Variants in SORCS1 observed in about 807,000 individuals in gnomAD.
SORCS1 encodes the protein sortilin related VPS10 domain containing receptor 1, also known as VPS10 domain-containing receptor SorCS1.
Under a neutral mutation model 146.1 loss-of-function variants are expected in SORCS1, and 60 were observed. That is an observed-to-expected ratio of 0.41 (90% CI 0.33 to 0.51). The LOEUF is 0.51. Ranked by LOEUF, SORCS1 falls within the 20% of genes least tolerant of loss-of-function variation. SORCS1 has a pLI of 0.21. For synonymous variants in SORCS1, 637 were observed against 584.0 expected (o/e 1.09, Z -1.31); for missense variants, 1,352 against 1,487.6 (o/e 0.91, Z 1.50).
chr10:106,620,359 T>G (rs1847657125), intron 20 of SORCS1, 69 bp downstream of exon 20: 1 of 1,550,464 alleles, frequency 6.4e-7, no homozygotes, highest in Admixed American at 1.9e-5. Flanking sequence ...GCCATTTCAT[T>G]CCCTCCTTTG....
At position 106,836,547 on chromosome 10, in the gene SORCS1, C is replaced by T. The variant is rs1948798677; in HGVS notation, c.627-6874G>A. ...GGCCAGCATCCTTAACTCCATACTG[C>T]CATGCCTCTGTCAAAAGCCACCGGG... On this transcript the variant is annotated intron_variant, in intron 2 of 25. Transcript: ENST00000263054. Among the ~76,000 whole-genome samples, 3 of 151,410 alleles carry T rather than the reference C, an allele frequency of 2.0e-5. No homozygotes were observed. The South Asian group carries it at 6.3e-4, about 32-fold the overall frequency.
rs151080738 is a variant in SORCS1, at chr10:107,149,416, G to A, written c.558+14553C>T. 1.2e-3 allele frequency among the ~76,000 whole-genome samples: 179 copies of A among 152,140 alleles called. 1 individual carries two copies. The highest frequency in any genetic ancestry group is 4.3e-3 in the African/African-American group (177 of 41,502). On this transcript the variant is annotated intron_variant, in intron 1 of 25. Coordinates refer to ENST00000263054, the MANE Select transcript of SORCS1 (RefSeq NM_052918.5). ...CTTTAATCATACGTGGTAACCATCC[G>A]ATTCATCCCAATATACTTGTATCTA...
chr10:106,770,857 T>C (rs918657066), intron 4 of SORCS1, among the ~76,000 whole-genome samples: 2 of 152,218 alleles, frequency 1.3e-5, no homozygotes, highest in Non-Finnish European at 2.9e-5. Flanking sequence ...TTTTGTTCAG[T>C]TGTACTTCTT....
intron 1 of SORCS1, among the ~76,000 whole-genome samples, chr10:107,140,904 C>A (rs1398925568): frequency 6.6e-6 from 1 of 152,144 alleles, no homozygotes; most frequent in Non-Finnish European, 1.5e-5. Context: ...TCCAATATTT[C>A]CCGACTGGTA....
At chr10:106,826,153 T>C (rs554172766) in intron 3 of SORCS1, among the ~76,000 whole-genome samples, 6 of 152,358 alleles carry the variant, frequency 3.9e-5, no homozygotes, top group East Asian at 1.9e-4. Context: ...AACATGATGA[T>C]TGAAGAACTG....
At chr10:107,035,676 T>C (rs1344119203) in intron 1 of SORCS1, among the ~76,000 whole-genome samples, 1 of 152,194 alleles carries the variant, frequency 6.6e-6, no homozygotes, top group Non-Finnish European at 1.5e-5. Context: ...GCTTTGCCTG[T>C]CAATGGAAAA....
intron 2 of SORCS1, among the ~76,000 whole-genome samples, chr10:106,857,765 C>G (rs566974303): frequency 5.1e-4 from 78 of 152,276 alleles, no homozygotes; most frequent in African/African-American, 1.8e-3. Context: ...CATGTTATAA[C>G]AAACCCCTGC....
At chr10:106,879,163 A>T (rs1483847574) in intron 2 of SORCS1, among the ~76,000 whole-genome samples, 1 of 151,188 alleles carries the variant, frequency 6.6e-6, no homozygotes, top group African/African-American at 2.4e-5. Context: ...AAAAAAAAAA[A>T]TTCATTGATA....
At chr10:107,041,191 A>G (rs1959139189) in intron 1 of SORCS1, among the ~76,000 whole-genome samples, 2 of 152,134 alleles carry the variant, frequency 1.3e-5, no homozygotes, top group African/African-American at 2.4e-5. Context: ...TAGGGAAAAA[A>G]CAGTAAAATA....
At chr10:106,961,997 C>A (rs897175600) in intron 1 of SORCS1, among the ~76,000 whole-genome samples, 1 of 152,094 alleles carries the variant, frequency 6.6e-6, no homozygotes, top group African/African-American at 2.4e-5. Flanking sequence ...CAAGCTAAGC[C>A]CCAATTGTGG....
intron 1 of SORCS1, among the ~76,000 whole-genome samples, chr10:107,083,717 C>T (rs12240854): frequency 0.23 from 34,416 of 152,104 alleles, 4,238 homozygotes; most frequent in Middle Eastern, 0.42. Context: ...TTTTCTTCTT[C>T]ACAAGGAACT....
chr10:106,624,209 G>C (rs1024549398), intron 19 of SORCS1, among the ~76,000 whole-genome samples: 4 of 152,150 alleles, frequency 2.6e-5, no homozygotes, highest in East Asian at 1.9e-4. Flanking sequence ...ACAGCACCAA[G>C]TATCAATTTT....
intron 1 of SORCS1, among the ~76,000 whole-genome samples, chr10:107,039,944 T>A (rs1276729166): frequency 6.6e-6 from 1 of 152,096 alleles, no homozygotes; most frequent in Non-Finnish European, 1.5e-5. Context: ...GCCCCATTTC[T>A]ACCTAAAAAG....
intron 9 of SORCS1, among the ~76,000 whole-genome samples, chr10:106,694,476 C>T (rs190529044): frequency 6.6e-5 from 10 of 152,214 alleles, no homozygotes; most frequent in African/African-American, 2.2e-4. Flanking sequence ...TAAACACTTA[C>T]CCTCTGGTGA....
chr10:106,881,101 AG>A (rs1950791179), intron 2 of SORCS1, among the ~76,000 whole-genome samples: 1 of 149,746 alleles, frequency 6.7e-6, no homozygotes, highest in African/African-American at 2.5e-5. Flanking sequence ...AAAAAAAAGA[AG>A]CAGAATAAAT....
At chr10:106,811,104 T>G (rs2136787624) in intron 3 of SORCS1, among the ~76,000 whole-genome samples, 1 of 152,026 alleles carries the variant, frequency 6.6e-6, no homozygotes, top group South Asian at 2.1e-4. Context: ...CACATCCGGC[T>G]AATTTTTGTA....
chr10:106,619,549 TG>T (rs1390444492), intron 20 of SORCS1, among the ~76,000 whole-genome samples: 4 of 152,232 alleles, frequency 2.6e-5, no homozygotes, highest in African/African-American at 9.6e-5. Context: ...CAGTGTCCTT[TG>T]GGGCCTCAGC....
At chr10:106,712,857 A>G (rs956799184) in intron 6 of SORCS1, among the ~76,000 whole-genome samples, 6 of 152,164 alleles carry the variant, frequency 3.9e-5, no homozygotes, top group African/African-American at 4.8e-5. Flanking sequence ...GAAAAATCCA[A>G]TATCGGATCT....
At chr10:106,908,948 C>T (rs188618575) in intron 2 of SORCS1, among the ~76,000 whole-genome samples, 37 of 152,058 alleles carry the variant, frequency 2.4e-4, no homozygotes, top group African/African-American at 8.2e-4. Flanking sequence ...TTTTTTTTAT[C>T]TTCATGGTAC....
Sources: allele counts gnomAD v4.1 joint callset (sites outside exome capture counted in the v4.1 genomes callset), GRCh38; gene constraint gnomAD v4.1.1; transcripts MANE v1.5; gene names NCBI Gene and HGNC (gene_info 2026-07-23, HGNC 2026-07-21).